POU6F2: variants seen among roughly 807,000 people sequenced by gnomAD.
POU6F2 encodes POU class 6 homeobox 2, also known as POU domain, class 6, transcription factor 2.
Under a neutral mutation model 71.3 loss-of-function variants are expected in POU6F2, and 31 were observed. The ratio of observed to expected loss-of-function variants is 0.43; its 90% CI spans 0.33 to 0.59. POU6F2 has a LOEUF of 0.59. Among genes scored for constraint, POU6F2 ranks in the 20% least tolerant of loss-of-function variants. POU6F2 has a pLI of 0.04. For missense variants in POU6F2, 783 were observed against 856.8 expected (o/e 0.91, Z 1.07); for synonymous variants, 347 against 355.7 (o/e 0.98, Z 0.27).
chr7:39,168,853 C>T (rs577685856), intron 2 of POU6F2, among the ~76,000 whole-genome samples: 1 of 152,320 alleles, frequency 6.6e-6, no homozygotes, highest in East Asian at 1.9e-4. Context: ...AAAACTACCA[C>T]ACCAGAGCCG....
At chr7:39,285,854 C>G (rs556113302) in intron 4 of POU6F2, among the ~76,000 whole-genome samples, 1 of 152,210 alleles carries the variant, frequency 6.6e-6, no homozygotes. Flanking sequence ...GCCTTCCTCC[C>G]CATCCTCATA....
At chr7:39,462,326 A>G (rs1378968466) in intron 9 of POU6F2, among the ~76,000 whole-genome samples, 1 of 152,186 alleles carries the variant, frequency 6.6e-6, no homozygotes, top group East Asian at 1.9e-4. Flanking sequence ...TTTAGGAGCT[A>G]TCTACCAAGA....
In POU6F2 at chr7:39,053,603, A is replaced by G. The variant is rs527646826; in HGVS notation, c.106-32257A>G. Among the ~76,000 whole-genome samples, 4 of 152,266 alleles carry G rather than the reference A, an allele frequency of 2.6e-5. No individual in the cohort carries two copies. The East Asian group carries it at 5.8e-4, about 22-fold the overall frequency. Reference sequence around the variant, plus strand: ...ATGAATATTTCATCTGTGTGTTCACATGCACATTGGCATGTATAATCTGCA... The same window carrying G: ...ATGAATATTTCATCTGTGTGTTCACGTGCACATTGGCATGTATAATCTGCA... On this transcript the variant is annotated intron_variant, in intron 1 of 9. Transcript: ENST00000518318.
At position 39,466,817 on chromosome 7, in the gene POU6F2, T is replaced by C. The variant is rs1789082320; in HGVS notation, c.*2131T>C. 6.6e-6 allele frequency: 1 copy of C among 152,346 alleles called. No individual in the cohort carries two copies. Among genetic ancestry groups the C allele is most frequent in the Admixed American group, 6.5e-5 (1 of 15,290 alleles). 9.4% of individuals were successfully genotyped at this position (152,346 alleles called of 1,614,324 possible). On this transcript the variant is annotated 3_prime_UTR_variant, in exon 10 of 10. Coordinates refer to ENST00000518318, the MANE Select transcript of POU6F2 (RefSeq NM_001370959.1). ...TAACTGGACCACAGCTAACTTGATC[T>C]TCAATGCCAACATCACAGAGCCCCT...
At chr7:39,204,121 G>A in intron 2 of POU6F2, 114 bp from the exon 3 acceptor site, 1 of 864,486 alleles carries the variant, frequency 1.2e-6, no homozygotes, top group Non-Finnish European at 1.9e-6. Flanking sequence ...AGTGATTTGA[G>A]CACTGGAGAT....
chr7:39,134,036 G>C (rs993353911), intron 2 of POU6F2, among the ~76,000 whole-genome samples: 1 of 151,814 alleles, frequency 6.6e-6, no homozygotes, highest in African/African-American at 2.4e-5. Flanking sequence ...CACCATGACC[G>C]GCTAATTTTT....
rs769124454 is a variant in POU6F2 at position 39,460,750 on chromosome 7, C to T, written c.1658+35C>T. 1 of 1,522,474 alleles carries T rather than the reference C, an allele frequency of 6.6e-7. No individual in the cohort carries two copies. The allele number at this position is 1,522,474 out of a possible 1,614,324, so 94.3% of individuals were successfully genotyped here. A position where few individuals can be genotyped will look rare whatever the true frequency, so the allele number is the denominator to read the frequency against. On this transcript the variant is annotated intron_variant, in intron 9 of 9. Transcript: ENST00000518318. This position sits in a 1 kb window ranked among gnomAD's most constrained non-coding sequence, Gnocchi z 4.4. Reference sequence around the variant, plus strand: ...GCCTGCATGCTGTCACCTCTTCTAGCCGCCCTGGGCCTCATTTGTCCTCGC... The same window carrying T: ...GCCTGCATGCTGTCACCTCTTCTAGTCGCCCTGGGCCTCATTTGTCCTCGC...
chr7:39,258,747 A>G (rs147130130), intron 4 of POU6F2, among the ~76,000 whole-genome samples: 1 of 152,010 alleles, frequency 6.6e-6, no homozygotes, highest in Non-Finnish European at 1.5e-5. Context: ...GGGGCACCGC[A>G]GAATCTGTGA....
intron 2 of POU6F2, among the ~76,000 whole-genome samples, chr7:39,186,636 A>T (rs1187943253): frequency 6.6e-6 from 1 of 152,300 alleles, no homozygotes; most frequent in African/African-American, 2.4e-5. Context: ...CACCGGAAAT[A>T]TAATTCCTTT....
chr7:39,069,866 A>G (rs922990567), intron 1 of POU6F2, among the ~76,000 whole-genome samples: 1 of 152,170 alleles, frequency 6.6e-6, no homozygotes, highest in African/African-American at 2.4e-5. Context: ...TTGCTGTTTC[A>G]GGGGTGGCAG....
chr7:39,298,253 G>C (rs1342409698), intron 4 of POU6F2, among the ~76,000 whole-genome samples: 1 of 152,124 alleles, frequency 6.6e-6, no homozygotes, highest in Non-Finnish European at 1.5e-5. Context: ...GAAAATTTTT[G>C]CAATCTACCC....
intron 4 of POU6F2, among the ~76,000 whole-genome samples, chr7:39,279,982 T>C (rs1583493845): frequency 6.6e-6 from 1 of 152,090 alleles, no homozygotes; most frequent in Non-Finnish European, 1.5e-5. Flanking sequence ...CCTGACCTCA[T>C]GATTAGCCTG....
chr7:39,213,933 G>T (rs1221228417), intron 4 of POU6F2, among the ~76,000 whole-genome samples: 1 of 152,140 alleles, frequency 6.6e-6, no homozygotes, highest in Non-Finnish European at 1.5e-5. Context: ...CATCTGATGA[G>T]GAAGTTGAGG....
intron 2 of POU6F2, among the ~76,000 whole-genome samples, chr7:39,140,590 T>C (rs1792477207): frequency 6.6e-6 from 1 of 152,170 alleles, no homozygotes; most frequent in African/African-American, 2.4e-5. Context: ...TATTTCCTCA[T>C]CCTTTGTGTG....
At chr7:39,124,884 T>G (rs1792112382) in intron 2 of POU6F2, among the ~76,000 whole-genome samples, 1 of 152,162 alleles carries the variant, frequency 6.6e-6, no homozygotes. Context: ...TTTCTCTTCT[T>G]CCGTTCTTTA....
intron 5 of POU6F2, among the ~76,000 whole-genome samples, chr7:39,390,287 T>C (rs1787040565): frequency 6.6e-6 from 1 of 152,060 alleles, no homozygotes; most frequent in South Asian, 2.1e-4. Flanking sequence ...TCCCAGCTAC[T>C]TGGGAGGCTG....
At chr7:39,002,275 A>AT (rs935030703) in intron 1 of POU6F2, among the ~76,000 whole-genome samples, 2 of 152,172 alleles carry the variant, frequency 1.3e-5, no homozygotes, top group Non-Finnish European at 2.9e-5. Context: ...AAATCCAGAG[A>AT]TTTTGAAACC....
chr7:39,344,759 T>A (rs1785994984), intron 5 of POU6F2, among the ~76,000 whole-genome samples: 2 of 152,174 alleles, frequency 1.3e-5, no homozygotes, highest in South Asian at 4.1e-4. Flanking sequence ...AATTAAATAC[T>A]TTCTAGAACT....
intron 4 of POU6F2, among the ~76,000 whole-genome samples, chr7:39,271,209 A>G (rs1339756359): frequency 6.6e-6 from 1 of 152,252 alleles, no homozygotes; most frequent in African/African-American, 2.4e-5. Context: ...CATGAAAACT[A>G]TATGAAATTC....
Sources: gnomAD v4.1 joint callset for allele counts (sites outside exome capture counted in the v4.1 genomes callset) on GRCh38, gnomAD v4.1.1 for gene constraint, Gnocchi (gnomAD v3.1) non-coding constraint, MANE v1.5 for transcripts, NCBI Gene and HGNC (gene_info 2026-07-23, HGNC 2026-07-21) for gene names.